SLC14A2: variants seen among roughly 807,000 people sequenced by gnomAD.
SLC14A2 encodes urea transporter 2.
Under a neutral mutation model 104.6 loss-of-function variants are expected in SLC14A2, and 91 were observed. That is an observed-to-expected ratio of 0.87 (90% CI 0.73 to 1.04). SLC14A2 has a LOEUF of 1.04. Among genes scored for constraint, SLC14A2 ranks in the 50% least tolerant of loss-of-function variants. The probability of loss-of-function intolerance (pLI) is 0.00; values close to 1 mark genes in which losing one functional copy is unlikely to be tolerated. For synonymous variants in SLC14A2, 476 were observed against 466.4 expected (o/e 1.02, Z -0.27); for missense variants, 1,189 against 1,156.0 (o/e 1.03, Z -0.41).
chr18:45,434,814 T>C (rs1460398115), intron 1 of SLC14A2, among the ~76,000 whole-genome samples: 1 of 152,086 alleles, frequency 6.6e-6, no homozygotes, highest in Non-Finnish European at 1.5e-5. Flanking sequence ...GGTGAAAAAA[T>C]GAAGCAAATT....
At chr18:45,236,912 C>G (rs949658466) in intron 1 of SLC14A2, among the ~76,000 whole-genome samples, 1 of 152,066 alleles carries the variant, frequency 6.6e-6, no homozygotes, top group Admixed American at 6.6e-5. Context: ...TGGGAAATCA[C>G]TTTAAACATC....
chr18:45,606,734 T>TAAAAAAAAAA (rs781251287), intron 2 of SLC14A2, among the ~76,000 whole-genome samples: 1 of 76,614 alleles, frequency 1.3e-5, no homozygotes, highest in African/African-American at 4.3e-5. Context: ...AAAGTCTAAT[T>TAAAAAAAAAA]AAAAAAAAAA....
At chr18:45,372,444 T>C (rs953555925) in intron 1 of SLC14A2, among the ~76,000 whole-genome samples, 2 of 152,124 alleles carry the variant, frequency 1.3e-5, no homozygotes, top group African/African-American at 4.8e-5. Flanking sequence ...AGATGGGAAA[T>C]CTAAGGTCAG....
intron 1 of SLC14A2, among the ~76,000 whole-genome samples, chr18:45,307,518 CT>C (rs1426046882): frequency 6.6e-6 from 1 of 152,030 alleles, no homozygotes; most frequent in Non-Finnish European, 1.5e-5. Context: ...GGCGAATGGC[CT>C]GCTGTGGAGT....
chr18:45,565,928 T>C (rs917187883), intron 2 of SLC14A2, among the ~76,000 whole-genome samples: 1 of 152,194 alleles, frequency 6.6e-6, no homozygotes, highest in Non-Finnish European at 1.5e-5. Flanking sequence ...CAGCTCCAGC[T>C]CTATCCCCAG....
At chr18:45,223,281 G>T (rs1330397267) in intron 1 of SLC14A2, among the ~76,000 whole-genome samples, 1 of 152,172 alleles carries the variant, frequency 6.6e-6, no homozygotes, top group Non-Finnish European at 1.5e-5. Context: ...AGGTCACAAT[G>T]ACGGAAGTTC....
At chr18:45,296,965 A>G (rs1266539473) in intron 1 of SLC14A2, among the ~76,000 whole-genome samples, 1 of 152,152 alleles carries the variant, frequency 6.6e-6, no homozygotes, top group African/African-American at 2.4e-5. Flanking sequence ...TTGATACTGA[A>G]TCAAGAAGCC....
chr18:45,637,071 C>A lies in SLC14A2; in HGVS notation c.732C>A (p.Val244=), dbSNP rs1189540027. The change falls in exon 6 of 20, where the codon GTC becomes GTA. Residue 244 remains valine (V), a synonymous_variant. Transcript: ENST00000255226. ...PVFTLPFNIA[V]TLYLAATGHY... is the part of the protein sequence containing the mutation. ...TCACTCTGCCCTTCAACATTGCAGT[C>A]ACCTTGTACCTTGCAGCCACAGGCC... The A allele has an allele frequency of 2.5e-6, 4 of 1,614,040 alleles. No homozygotes were observed. The highest frequency in any genetic ancestry group is 3.4e-6 in the Non-Finnish European group (4 of 1,179,988).
At chr18:45,579,122 G>A (rs575143462) in intron 2 of SLC14A2, among the ~76,000 whole-genome samples, 1 of 152,306 alleles carries the variant, frequency 6.6e-6, no homozygotes, top group East Asian at 1.9e-4. Flanking sequence ...CTAGACTCAG[G>A]ACTAGAAAAG....
intron 2 of SLC14A2, 23 bp from the exon 3 acceptor site, chr18:45,625,660 G>A (rs1416898285): frequency 1.3e-6 from 2 of 1,516,222 alleles, no homozygotes; most frequent in East Asian, 5.1e-5. Flanking sequence ...ATCATTTGAT[G>A]TCTGGTTGGT....
At chr18:45,257,337 G>A (rs1424107683) in intron 1 of SLC14A2, among the ~76,000 whole-genome samples, 1 of 152,210 alleles carries the variant, frequency 6.6e-6, no homozygotes, top group Non-Finnish European at 1.5e-5. Context: ...AAGTTGTCTA[G>A]GAAGTTATTC....
chr18:45,302,815 T>C (rs2084981312), intron 1 of SLC14A2, among the ~76,000 whole-genome samples: 1 of 152,154 alleles, frequency 6.6e-6, no homozygotes, highest in South Asian at 2.1e-4. Context: ...CATGTTTACA[T>C]AAAATGTTAA....
intron 1 of SLC14A2, among the ~76,000 whole-genome samples, chr18:45,236,690 AT>A (rs1410982252): frequency 6.6e-6 from 1 of 151,714 alleles, no homozygotes; most frequent in Non-Finnish European, 1.5e-5. Flanking sequence ...TTGATTCCAT[AT>A]CTTAGCTATT....
At position 45,552,679 on chromosome 18, in the gene SLC14A2, G is replaced by A. The variant is rs568355563; in HGVS notation, c.-35+69357G>A. Among the ~76,000 whole-genome samples the A allele has an allele frequency of 4.6e-5, 7 of 152,342 alleles. No homozygotes were observed. The East Asian group carries it at 1.3e-3, about 29-fold the overall frequency. On this transcript the variant is annotated intron_variant, in intron 2 of 20. Transcript: ENST00000586448. The stretch of plus-strand genomic sequence containing the variant: ...GCAGGCAGTGGTTAGACAAAGAGGA[G>A]CAGAGACCTGGAAAGGGGGAAGGAG...
At chr18:45,539,781 G>C (rs559524796) in intron 2 of SLC14A2, among the ~76,000 whole-genome samples, 3 of 151,876 alleles carry the variant, frequency 2.0e-5, no homozygotes, top group Admixed American at 2.0e-4. Context: ...ACGATTTATA[G>C]TCCTCAGCTT....
chr18:45,571,872 G>T (rs2144337679), intron 2 of SLC14A2, among the ~76,000 whole-genome samples: 1 of 152,288 alleles, frequency 6.6e-6, no homozygotes, highest in East Asian at 1.9e-4. Flanking sequence ...GATTGATAGG[G>T]TTGGTTGAAC....
chr18:45,333,622 C>T (rs1164993495), intron 1 of SLC14A2, among the ~76,000 whole-genome samples: 1 of 152,180 alleles, frequency 6.6e-6, no homozygotes, highest in East Asian at 1.9e-4. Context: ...TGAAGAACAT[C>T]ACCTTTTTGC....
At chr18:45,671,253 C>T (rs1305515669) in intron 16 of SLC14A2, among the ~76,000 whole-genome samples, 3 of 152,036 alleles carry the variant, frequency 2.0e-5, no homozygotes, top group Admixed American at 6.6e-5. Context: ...CCTGTACAAA[C>T]ACTTGAGACC....
intron 2 of SLC14A2, among the ~76,000 whole-genome samples, chr18:45,519,455 A>C (rs1220762596): frequency 6.6e-6 from 1 of 152,118 alleles, no homozygotes; most frequent in African/African-American, 2.4e-5. Flanking sequence ...GTTGGTTTTG[A>C]ACTTGGATCC....
Sources: allele counts gnomAD v4.1 joint callset (sites outside exome capture counted in the v4.1 genomes callset), GRCh38; gene constraint gnomAD v4.1.1; transcripts MANE v1.5; gene names NCBI Gene and HGNC (gene_info 2026-07-23, HGNC 2026-07-21).